Variants in LRRC1 observed in about 807,000 individuals in gnomAD.
LRRC1 encodes the protein leucine rich repeat containing 1, also known as leucine-rich repeat-containing protein 1.
In LRRC1, 28 loss-of-function variants were observed where a neutral mutation model predicts 69.9. The ratio of observed to expected loss-of-function variants is 0.40; its 90% CI spans 0.30 to 0.55. The LOEUF is 0.55. LRRC1 is among the 20% of genes least tolerant of loss of function. The pLI, the probability that LRRC1 is intolerant of heterozygous loss-of-function variation, is 0.47. For synonymous variants in LRRC1, 236 were observed against 240.2 expected (o/e 0.98, Z 0.16); for missense variants, 498 against 609.0 (o/e 0.82, Z 1.92).
chr6:53,922,261 G>T (rs1032849857), intron 13 of LRRC1, among the ~76,000 whole-genome samples: 1 of 151,910 alleles, frequency 6.6e-6, no homozygotes, highest in Non-Finnish European at 1.5e-5. Flanking sequence ...CTTTAATTTA[G>T]GATTTTTTAT....
intron 1 of LRRC1, among the ~76,000 whole-genome samples, chr6:53,837,971 G>A (rs750025388): frequency 6.6e-6 from 1 of 152,208 alleles, no homozygotes; most frequent in Non-Finnish European, 1.5e-5. Context: ...ACATGGTAGA[G>A]TTGAAGAATG....
At chr6:53,828,400 G>A (rs564882232) in intron 1 of LRRC1, among the ~76,000 whole-genome samples, 4 of 152,296 alleles carry the variant, frequency 2.6e-5, no homozygotes, top group South Asian at 2.1e-4. Context: ...GGCTGATGCC[G>A]GAGGGGCTGG....
Position 53,919,480 on chromosome 6 carries a change from A to T in LRRC1, c.1107-18A>T, listed in dbSNP as rs748618291. 302 of 1,438,606 alleles carry T rather than the reference A, an allele frequency of 2.1e-4. No homozygotes were observed. In the African/African-American group the frequency reaches 2.3e-3, roughly 11 times the overall value. 89.1% of individuals were successfully genotyped at this position (1,438,606 alleles called of 1,614,324 possible). ...GAGGTTGTGATGTCTCTTTTTTTAAAAAAAAAAAAAAAAACAGGTTGCTGC... is the reference window on the plus strand; with the variant it reads ...GAGGTTGTGATGTCTCTTTTTTTAATAAAAAAAAAAAAAACAGGTTGCTGC... On this transcript the variant is annotated intron_variant, in intron 11 of 13. Transcript: ENST00000370888.
chr6:53,899,779 A>G lies in LRRC1; in HGVS notation c.675A>G (p.Leu225=). The G allele has an allele frequency of 6.2e-7, 1 of 1,614,162 alleles. No homozygotes were observed. Among genetic ancestry groups the G allele is most frequent in the Non-Finnish European group, 8.5e-7 (1 of 1,179,988 alleles). Residue 225 remains leucine, a synonymous_variant, in exon 8 of 14, where the codon TTA becomes TTG. Transcript: ENST00000370888. ...GAAATCTGAAGAACCTGCTGTGTTT[A>G]GATGTCTCTGAAAACAGGTTGGAAA... ...EIGNLKNLLC[L]DVSENRLERL...
chr6:53,856,185 AT>A (rs1300046625), intron 2 of LRRC1, among the ~76,000 whole-genome samples: 2 of 152,260 alleles, frequency 1.3e-5, no homozygotes, highest in African/African-American at 2.4e-5. Flanking sequence ...TGTATGCTTC[AT>A]TGTGATAAGG....
intron 13 of LRRC1, 79 bp downstream of exon 13, chr6:53,920,840 T>C: frequency 6.7e-7 from 1 of 1,481,616 alleles, no homozygotes; most frequent in South Asian, 1.2e-5. Flanking sequence ...GGATATTCTT[T>C]ATTTTCAATT....
chr6:53,801,887 A>G (rs1764497251), intron 1 of LRRC1, among the ~76,000 whole-genome samples: 2 of 152,340 alleles, frequency 1.3e-5, no homozygotes, highest in South Asian at 4.1e-4. Context: ...TAAGCATTGT[A>G]TTAAGTGCTC....
At chr6:53,859,436 C>G (rs1222938360) in intron 2 of LRRC1, among the ~76,000 whole-genome samples, 1 of 152,158 alleles carries the variant, frequency 6.6e-6, no homozygotes, top group Non-Finnish European at 1.5e-5. Context: ...AAAATTCATG[C>G]AACTCTAAAT....
At chr6:53,895,264 T>G (rs1382940884) in intron 4 of LRRC1, among the ~76,000 whole-genome samples, 1 of 152,230 alleles carries the variant, frequency 6.6e-6, no homozygotes, top group Non-Finnish European at 1.5e-5. Flanking sequence ...GTTCTTGCTT[T>G]AAGTATGAAA....
At chr6:53,840,001 G>A (rs113857524) in intron 1 of LRRC1, among the ~76,000 whole-genome samples, 4 of 151,318 alleles carry the variant, frequency 2.6e-5, no homozygotes, top group African/African-American at 9.7e-5. Context: ...AGTGTAGATG[G>A]GTTGCTCTTG....
chr6:53,827,122 A>T (rs1454143919), intron 1 of LRRC1, among the ~76,000 whole-genome samples: 1 of 152,186 alleles, frequency 6.6e-6, no homozygotes, highest in Admixed American at 6.5e-5. Flanking sequence ...CTTATGCTTA[A>T]CAGTTGCCTC....
At chr6:53,854,614 G>A (rs1766250905) in intron 2 of LRRC1, among the ~76,000 whole-genome samples, 2 of 152,128 alleles carry the variant, frequency 1.3e-5, no homozygotes, top group African/African-American at 4.8e-5. Context: ...AACTTTGATT[G>A]TGTGACTCAT....
At chr6:53,822,181 C>T (rs1765136053) in intron 1 of LRRC1, among the ~76,000 whole-genome samples, 3 of 152,034 alleles carry the variant, frequency 2.0e-5, no homozygotes, top group African/African-American at 7.2e-5. Context: ...AAGAACATAG[C>T]AATCGAGGGA....
intron 2 of LRRC1, among the ~76,000 whole-genome samples, chr6:53,871,208 C>T (rs1162518290): frequency 6.6e-6 from 1 of 151,996 alleles, no homozygotes; most frequent in African/African-American, 2.4e-5. Flanking sequence ...TTTGAGGAAC[C>T]GCCGTAGTTT....
intron 2 of LRRC1, among the ~76,000 whole-genome samples, chr6:53,851,185 C>T (rs955186451): frequency 4.1e-5 from 5 of 123,120 alleles, no homozygotes; most frequent in African/African-American, 1.6e-4. Flanking sequence ...CACACACACA[C>T]ACACACACAC....
chr6:53,856,347 C>T (rs1401847454), intron 2 of LRRC1, among the ~76,000 whole-genome samples: 1 of 152,090 alleles, frequency 6.6e-6, no homozygotes, highest in African/African-American at 2.4e-5. Flanking sequence ...GGTGGAAGGA[C>T]CAAGTCCATC....
At chr6:53,902,897 C>T (rs2127437864) in intron 9 of LRRC1, 150 bp downstream of exon 9, 5 of 565,950 alleles carry the variant, frequency 8.8e-6, no homozygotes, top group East Asian at 8.6e-5. Flanking sequence ...CAGTTTTTAA[C>T]CTGCTTAAGC....
chr6:53,907,158 C>T (rs975722686), intron 10 of LRRC1, among the ~76,000 whole-genome samples: 2 of 152,196 alleles, frequency 1.3e-5, no homozygotes, highest in African/African-American at 4.8e-5. Context: ...AGCTTGATGC[C>T]ATTTGATCAA....
At chr6:53,864,732 T>C (rs1298300687) in intron 2 of LRRC1, among the ~76,000 whole-genome samples, 2 of 152,128 alleles carry the variant, frequency 1.3e-5, no homozygotes, top group African/African-American at 2.4e-5. Flanking sequence ...TGTGGAGTTA[T>C]ATAGTCAAAG....
Sources: allele counts gnomAD v4.1 joint callset (sites outside exome capture counted in the v4.1 genomes callset), GRCh38; gene constraint gnomAD v4.1.1; transcripts MANE v1.5; gene names NCBI Gene and HGNC (gene_info 2026-07-23, HGNC 2026-07-21).